The following GPRC6A variants were observed in gnomAD, a reference collection of about 807,000 sequenced individuals.
The protein encoded by GPRC6A is G protein-coupled receptor family C group 6 member A.
Under a neutral mutation model 47.0 loss-of-function variants are expected in GPRC6A, and 54 were observed. The observed-to-expected ratio is 1.15, with a 90% confidence interval of 0.92 to 1.44. The LOEUF (loss-of-function observed/expected upper bound fraction) is 1.44, where lower values mean the gene tolerates loss of function less well. Among genes scored for constraint, GPRC6A ranks in the 40% most tolerant of loss-of-function variants. The pLI is 0.00. For missense variants in GPRC6A, 1,112 were observed against 1,105.5 expected (o/e 1.01, Z -0.08); for synonymous variants, 347 against 377.1 (o/e 0.92, Z 0.93).
intron 3 of GPRC6A, among the ~76,000 whole-genome samples, chr6:116,801,622 A>C (rs547121725): frequency 5.3e-5 from 8 of 152,198 alleles, no homozygotes; most frequent in Non-Finnish European, 1.0e-4. Flanking sequence ...ATTCTATTCT[A>C]TTTCTTTTGA....
At chr6:116,797,104 A>G (rs1056064852) in intron 4 of GPRC6A, among the ~76,000 whole-genome samples, 4 of 151,760 alleles carry the variant, frequency 2.6e-5, no homozygotes, top group African/African-American at 4.8e-5. Flanking sequence ...TCATTGTTCA[A>G]TTCCCACCTA....
At chr6:116,797,430 G>A (rs1772524496) in intron 4 of GPRC6A, among the ~76,000 whole-genome samples, 1 of 152,104 alleles carries the variant, frequency 6.6e-6, no homozygotes, top group African/African-American at 2.4e-5. Flanking sequence ...TATGAGTTCT[G>A]GTGACTTACC....
At chr6:116,819,250 T>A (rs1208066990) in intron 1 of GPRC6A, among the ~76,000 whole-genome samples, 5 of 150,476 alleles carry the variant, frequency 3.3e-5, no homozygotes, top group African/African-American at 7.3e-5. Flanking sequence ...CTCCCACACA[T>A]TAATAATGGG....
In GPRC6A at chr6:116,807,140, C is replaced by T. The variant is rs1390707763; in HGVS notation, c.565G>A (p.Val189Met). ...TTAATTTGATGGAAGTCACTGGGCA[C>T]AGTCCGTAAAAATGAAGGAAAGCGA... ...KIRFPSFLRT[V>M]PSDFHQIKAM... Residue 189 changes from valine (V) to methionine (M), a missense_variant, in exon 3 of 6, where the codon GTG becomes ATG. Physicochemically the swap from Val to Met is conservative, Grantham distance 21 (BLOSUM62 1). Coordinates refer to ENST00000310357, the MANE Select transcript of GPRC6A (RefSeq NM_148963.4). 1 of 1,613,584 alleles carries T rather than the reference C, an allele frequency of 6.2e-7. No homozygotes were observed. Among genetic ancestry groups the T allele is most frequent in the Admixed American group, 1.7e-5 (1 of 59,930 alleles).
intron 1 of GPRC6A, among the ~76,000 whole-genome samples, chr6:116,827,496 G>A (rs1489343127): frequency 6.6e-6 from 1 of 151,970 alleles, no homozygotes; most frequent in Non-Finnish European, 1.5e-5. Context: ...CTATAATAGG[G>A]TACAGGTAAG....
Position 116,809,422 on chromosome 6 carries a change from CTT to C in GPRC6A, c.388_389del (p.Lys130ValfsTer2), listed in dbSNP as rs752714212. On this transcript the variant is annotated frameshift_variant, in exon 2 of 6. Transcript: ENST00000310357. LOFTEE classifies it high-confidence loss of function. ...TTGGCATGTAGCTGGAATAGTCACA[CTT>C]AAACTCCACAGTTTCTCTGGAGCAG... is the stretch of plus-strand genomic sequence containing the variant. ...FNCSRETVEF[K>X]CDYSSYMPRV... is the part of the protein sequence containing the mutation. 6.2e-7 allele frequency: 1 copy of C among 1,613,610 alleles called. No homozygotes were observed. The highest frequency in any genetic ancestry group is 8.5e-7 in the Non-Finnish European group (1 of 1,179,786).
intron 1 of GPRC6A, among the ~76,000 whole-genome samples, chr6:116,820,557 T>C (rs1321759490): frequency 1.3e-4 from 19 of 148,112 alleles, no homozygotes; most frequent in African/African-American, 4.7e-4. Context: ...GTTCAATATA[T>C]GCAAATCAAT....
At chr6:116,805,290 C>T (rs543383190) in intron 3 of GPRC6A, among the ~76,000 whole-genome samples, 1 of 151,954 alleles carries the variant, frequency 6.6e-6, no homozygotes, top group East Asian at 1.9e-4. Context: ...TACCCTCCCA[C>T]CATTGCATGA....
intron 1 of GPRC6A, among the ~76,000 whole-genome samples, chr6:116,819,250 T>C (rs1208066990): frequency 6.6e-6 from 1 of 150,590 alleles, no homozygotes; most frequent in East Asian, 1.9e-4. Context: ...CTCCCACACA[T>C]TAATAATGGG....
intron 1 of GPRC6A, among the ~76,000 whole-genome samples, chr6:116,816,721 T>C (rs925887181): frequency 2.6e-5 from 4 of 152,210 alleles, no homozygotes; most frequent in African/African-American, 7.2e-5. Context: ...ATTGCCTCAC[T>C]TGGGAAGCGC....
intron 1 of GPRC6A, among the ~76,000 whole-genome samples, chr6:116,822,938 C>G (rs1172701758): frequency 6.6e-6 from 1 of 151,306 alleles, no homozygotes; most frequent in African/African-American, 2.4e-5. Context: ...ATTCTTCCCT[C>G]CTAGACCTCT....
At chr6:116,801,493 A>G (rs771417321) in intron 3 of GPRC6A, among the ~76,000 whole-genome samples, 5 of 152,286 alleles carry the variant, frequency 3.3e-5, no homozygotes, top group Non-Finnish European at 5.9e-5. Context: ...TCAAGTAAAT[A>G]TCCTCTCTGA....
chr6:116,795,880 A>C, intron 4 of GPRC6A, 45 bp from the exon 5 acceptor site: 1 of 1,347,688 alleles, frequency 7.4e-7, no homozygotes, highest in Non-Finnish European at 1.0e-6. Flanking sequence ...ATTTGTAAAA[A>C]AAATTATCCT....
At chr6:116,815,271 T>C (rs753867891) in intron 1 of GPRC6A, among the ~76,000 whole-genome samples, 8 of 152,062 alleles carry the variant, frequency 5.3e-5, no homozygotes, top group Non-Finnish European at 1.0e-4. Context: ...TCACTTGAGG[T>C]CAGGACTTTA....
chr6:116,816,527 G>A (rs907136476), intron 1 of GPRC6A, among the ~76,000 whole-genome samples: 1 of 152,208 alleles, frequency 6.6e-6, no homozygotes, highest in Non-Finnish European at 1.5e-5. Flanking sequence ...TTCTTCTGAG[G>A]GAGGAGCCAA....
At chr6:116,817,590 G>T (rs1057283343) in intron 1 of GPRC6A, among the ~76,000 whole-genome samples, 30 of 152,214 alleles carry the variant, frequency 2.0e-4, no homozygotes, top group African/African-American at 6.8e-4. Flanking sequence ...TCTGAGCTAT[G>T]GGAGGACATT....
intron 3 of GPRC6A, among the ~76,000 whole-genome samples, chr6:116,802,352 A>C (rs1203552920): frequency 6.6e-6 from 1 of 152,156 alleles, no homozygotes; most frequent in East Asian, 1.9e-4. Context: ...CATTTAAAAA[A>C]ATTTTCATGG....
At chr6:116,822,684 G>C (rs1375860148) in intron 1 of GPRC6A, among the ~76,000 whole-genome samples, 1 of 144,094 alleles carries the variant, frequency 6.9e-6, no homozygotes, top group Non-Finnish European at 1.5e-5. Context: ...ACACAGGAAG[G>C]GGAATATCAC....
intron 2 of GPRC6A, among the ~76,000 whole-genome samples, chr6:116,808,810 T>G (rs1562482918): frequency 6.6e-6 from 1 of 152,230 alleles, no homozygotes; most frequent in Non-Finnish European, 1.5e-5. Flanking sequence ...AATAACTTAG[T>G]ACACAGTGCT....
Sources: gnomAD v4.1 joint callset for allele counts (sites outside exome capture counted in the v4.1 genomes callset) on GRCh38, gnomAD v4.1.1 for gene constraint, MANE v1.5 for transcripts, NCBI Gene and HGNC (gene_info 2026-07-23, HGNC 2026-07-21) for gene names.